CELF2: variants seen among roughly 807,000 people sequenced by gnomAD.
CELF2 encodes CUG triplet repeat RNA-binding protein 2.
CELF2 carries 8 observed loss-of-function variants against 62.6 expected under a neutral mutation model. That is an observed-to-expected ratio of 0.13 (90% confidence interval 0.07 to 0.23). The LOEUF is 0.23. CELF2 is among the 10% of genes least tolerant of loss of function. CELF2 has a pLI of 1.00. For missense variants in CELF2, 333 were observed against 671.0 expected, an observed-to-expected ratio of 0.50 and a Z score of 5.56; for synonymous variants, 258 against 250.0, an observed-to-expected ratio of 1.03 and a Z score of -0.30.
chr10:10,626,505 C>T, the CELF2 span, among the ~76,000 whole-genome samples: 534 of 151,864 alleles, frequency 3.5e-3, no homozygotes, highest in Non-Finnish European at 5.7e-3. Context: ...ATAAAGCTTT[C>T]ATAGGGAAAG....
At chr10:10,546,084 C>T in the CELF2 span, among the ~76,000 whole-genome samples, 1 of 152,048 alleles carries the variant, frequency 6.6e-6, no homozygotes, top group Non-Finnish European at 1.5e-5. Flanking sequence ...ATCTGACAAG[C>T]ACTTAAAAAA....
chr10:11,308,993 T>TA, intron 9 of CELF2, among the ~76,000 whole-genome samples: 2 of 152,390 alleles, frequency 1.3e-5, no homozygotes, highest in East Asian at 3.9e-4. Flanking sequence ...TCAGCCTTTT[T>TA]ATTGGCATTC....
chr10:11,188,607 T>G (rs1243636678), intron 2 of CELF2, among the ~76,000 whole-genome samples: 1 of 152,222 alleles, frequency 6.6e-6, no homozygotes, highest in African/African-American at 2.4e-5. Flanking sequence ...ATGATGTGCC[T>G]TGGTTTGGTT....
At chr10:10,678,819 A>G in the CELF2 span, among the ~76,000 whole-genome samples, 4 of 152,228 alleles carry the variant, frequency 2.6e-5, no homozygotes, top group Non-Finnish European at 4.4e-5. Context: ...TTTGGAATCT[A>G]CTGGGGATCT....
the CELF2 span, among the ~76,000 whole-genome samples, chr10:10,787,273 C>G: frequency 6.6e-6 from 1 of 152,086 alleles, no homozygotes; most frequent in South Asian, 2.1e-4. Flanking sequence ...TTATATCAAG[C>G]CTTTTTTTGC....
intron 1 of CELF2, among the ~76,000 whole-genome samples, chr10:11,144,914 A>AAAAAAAAAAAAAAAAAAG: frequency 6.7e-6 from 1 of 149,988 alleles, no homozygotes; most frequent in Non-Finnish European, 1.5e-5. Flanking sequence ...AAAAAAAAAA[A>AAAAAAAAAAAAAAAAAAG]AAAAAAAAAG....
Position 11,246,571 on chromosome 10 carries a change from A to T in CELF2, c.355-2582A>T, listed in dbSNP as rs2075678153. Among the ~76,000 whole-genome samples, 1 of 151,914 alleles carries T rather than the reference A, an allele frequency of 6.6e-6. No individual in the cohort carries two copies. The highest frequency in any genetic ancestry group is 2.1e-4 in the South Asian group (1 of 4,820). On this transcript the variant is annotated intron_variant, in intron 3 of 12. Transcript: ENST00000633077. This position sits in a 1 kb window ranked among gnomAD's most constrained non-coding sequence, Gnocchi z 4.6. ...GAAGAATTTTTTATTGCCAGATCCA[A>T]ATTCTTTGGCCTCTCACAGTGTTTG... is the stretch of plus-strand genomic sequence containing the variant.
chr10:10,518,190 G>A, the CELF2 span, among the ~76,000 whole-genome samples: 1 of 152,228 alleles, frequency 6.6e-6, no homozygotes, highest in Non-Finnish European at 1.5e-5. Flanking sequence ...CACTGTGGAT[G>A]TTGGCTCTTG....
At chr10:10,742,554 C>T in the CELF2 span, among the ~76,000 whole-genome samples, 1 of 148,328 alleles carries the variant, frequency 6.7e-6, no homozygotes, top group Non-Finnish European at 1.5e-5. Context: ...CAAGATAGCA[C>T]CACAGTACTG....
chr10:10,611,142 G>C, the CELF2 span, among the ~76,000 whole-genome samples: 1 of 152,116 alleles, frequency 6.6e-6, no homozygotes, highest in Admixed American at 6.5e-5. Context: ...CTGAGTTATT[G>C]TGTGGGTGGG....
At chr10:11,054,853 T>TA (rs1365482438) in intron 1 of CELF2, among the ~76,000 whole-genome samples, 1 of 152,140 alleles carries the variant, frequency 6.6e-6, no homozygotes, top group Non-Finnish European at 1.5e-5. Flanking sequence ...TAGCTGGGAT[T>TA]ACAGGCGGCC....
chr10:10,597,719 C>T, the CELF2 span, among the ~76,000 whole-genome samples: 2 of 152,184 alleles, frequency 1.3e-5, no homozygotes, highest in Admixed American at 6.5e-5. Context: ...AACAAAATCA[C>T]GTTTCAAGTG....
chr10:10,530,855 A>G, the CELF2 span, among the ~76,000 whole-genome samples: 2 of 152,334 alleles, frequency 1.3e-5, no homozygotes, highest in South Asian at 4.1e-4. Flanking sequence ...TAAATTTTAG[A>G]TGCAGAATAG....
At chr10:11,326,458 C>G (rs149849434) in intron 12 of CELF2, among the ~76,000 whole-genome samples, 1 of 152,210 alleles carries the variant, frequency 6.6e-6, no homozygotes, top group African/African-American at 2.4e-5. Flanking sequence ...TTACATAGCA[C>G]GCTGCATGAT....
intron 2 of CELF2, among the ~76,000 whole-genome samples, chr10:11,184,597 A>G (rs940420388): frequency 2.6e-5 from 4 of 152,222 alleles, no homozygotes; most frequent in African/African-American, 9.6e-5. Context: ...GTGGTTTGCC[A>G]TGAACAGGAC....
At chr10:10,754,161 T>TC in the CELF2 span, among the ~76,000 whole-genome samples, 10 of 151,322 alleles carry the variant, frequency 6.6e-5, no homozygotes, top group African/African-American at 2.4e-4. Flanking sequence ...TTTTTTTTTT[T>TC]TGAGACAGAG....
At chr10:10,697,625 G>T in the CELF2 span, among the ~76,000 whole-genome samples, 12 of 152,324 alleles carry the variant, frequency 7.9e-5, no homozygotes, top group African/African-American at 2.9e-4. Flanking sequence ...TCAGGTTGCA[G>T]ACTGCCAATC....
the CELF2 span, among the ~76,000 whole-genome samples, chr10:10,671,670 T>G: frequency 5.8e-3 from 888 of 152,214 alleles, 2 homozygotes; most frequent in Non-Finnish European, 8.2e-3. Flanking sequence ...TTAATTTATG[T>G]TTTTCTGATG....
the CELF2 span, among the ~76,000 whole-genome samples, chr10:10,563,087 C>T: frequency 0.37 from 55,737 of 151,892 alleles, 11,169 homozygotes; most frequent in African/African-American, 0.53. Flanking sequence ...CATCCTAGCC[C>T]CGTGAATGCC....
Sources: allele counts gnomAD v4.1 joint callset (sites outside exome capture counted in the v4.1 genomes callset), GRCh38; gene constraint gnomAD v4.1.1; non-coding constraint Gnocchi (gnomAD v3.1); transcripts MANE v1.5; gene names NCBI Gene and HGNC (gene_info 2026-07-23, HGNC 2026-07-21).